The following TAFA5 variants were observed in gnomAD, a reference collection of about 807,000 sequenced individuals.
The protein encoded by TAFA5 is TAFA chemokine like family member 5, also known as chemokine-like protein TAFA-5.
A neutral mutation model predicts 15.3 loss-of-function variants in TAFA5; 6 were observed. That is an observed-to-expected ratio of 0.39 (90% CI 0.21 to 0.77). TAFA5 has a LOEUF of 0.77. Ranked by LOEUF, TAFA5 falls within the 30% of genes least tolerant of loss-of-function variation. The pLI is 0.41. For synonymous variants in TAFA5, 103 were observed against 80.7 expected (o/e 1.28, Z -1.48); for missense variants, 161 against 193.1 (o/e 0.83, Z 0.98).
rs921225966 is a variant in TAFA5, at chr22:48,576,206, C to T, written c.113-70391C>T. On this transcript the variant is annotated intron_variant, in intron 1 of 3. Transcript: ENST00000402357. ...GATGGTGGCCGAGTGGTCGGAGCGG[C>T]GGCCGCCGCGGCCCGAGACTTTCTG... is the stretch of plus-strand genomic sequence containing the variant. 860 of 281,988 alleles carry T rather than the reference C, an allele frequency of 3.0e-3. 7 individuals carry two copies. Among genetic ancestry groups the T allele is most frequent in the African/African-American group, 0.019 (814 of 43,592 alleles). 17.5% of individuals were successfully genotyped at this position (281,988 alleles called of 1,614,324 possible).
chr22:48,679,330 G>T (rs1395315144), intron 2 of TAFA5, among the ~76,000 whole-genome samples: 11 of 20,086 alleles, frequency 5.5e-4, no homozygotes, highest in Non-Finnish European at 4.9e-4. Context: ...CCCTCTCCCG[G>T]CTCCCCGTCC....
chr22:48,628,179 G>A (rs560875071), intron 1 of TAFA5, among the ~76,000 whole-genome samples: 24 of 152,330 alleles, frequency 1.6e-4, no homozygotes, highest in Non-Finnish European at 2.9e-4. Context: ...CAGGAGGGCT[G>A]TTTCAGGGCA....
intron 1 of TAFA5, among the ~76,000 whole-genome samples, chr22:48,607,829 T>C (rs529696616): frequency 9.2e-5 from 14 of 152,146 alleles, no homozygotes; most frequent in Non-Finnish European, 1.0e-4. Context: ...AACTCAAAAC[T>C]AAAACTTTCC....
intron 1 of TAFA5, among the ~76,000 whole-genome samples, chr22:48,567,447 A>G (rs920102735): frequency 1.3e-5 from 2 of 152,206 alleles, no homozygotes; most frequent in Non-Finnish European, 2.9e-5. Flanking sequence ...AGTGTGAGTT[A>G]ATGTGTGCAG....
chr22:48,589,238 C>T (rs561971420), intron 1 of TAFA5, among the ~76,000 whole-genome samples: 12 of 152,118 alleles, frequency 7.9e-5, no homozygotes, highest in East Asian at 1.9e-4. Context: ...TGCTTGCTGG[C>T]GGAAGGTGGC....
At chr22:48,576,379 G>A in intron 1 of TAFA5, 1 of 1,221,436 alleles carries the variant, frequency 8.2e-7, no homozygotes, top group Non-Finnish European at 1.0e-6. Flanking sequence ...GATGGAGGGC[G>A]CGAGCGGGCG....
rs146794509 is a variant in TAFA5, at chr22:48,648,151, G to A, written c.262+1405G>A. Among the ~76,000 whole-genome samples the A allele has an allele frequency of 1.1e-3, 174 of 152,300 alleles. No homozygotes were observed. In the Middle Eastern group the frequency reaches 0.014, roughly 12 times the overall value. Reference sequence around the variant, plus strand: ...CATGGTTGCGAGCATCTCAGGCCTGGCGCAGTGCTCACTGGCCTTCTGGGG... The same window carrying A: ...CATGGTTGCGAGCATCTCAGGCCTGACGCAGTGCTCACTGGCCTTCTGGGG... On this transcript the variant is annotated intron_variant, in intron 2 of 3. Transcript: ENST00000402357.
intron 1 of TAFA5, among the ~76,000 whole-genome samples, chr22:48,585,751 G>A (rs372499450): frequency 3.3e-4 from 50 of 149,768 alleles, no homozygotes; most frequent in African/African-American, 1.2e-3. Flanking sequence ...CACCACATAC[G>A]CATACCAAAT....
At chr22:48,640,630 C>T (rs1001751221) in intron 1 of TAFA5, among the ~76,000 whole-genome samples, 2 of 152,170 alleles carry the variant, frequency 1.3e-5, no homozygotes, top group Non-Finnish European at 1.5e-5. Flanking sequence ...GCGGGGGCTC[C>T]TAAGTGTGCA....
At chr22:48,720,208 G>A (rs1434638993) in intron 3 of TAFA5, among the ~76,000 whole-genome samples, 1 of 152,072 alleles carries the variant, frequency 6.6e-6, no homozygotes, top group Non-Finnish European at 1.5e-5. Flanking sequence ...GTTACGTTAC[G>A]TTGGGTCAGG....
chr22:48,744,581 G>A (rs1280285292), intron 3 of TAFA5, among the ~76,000 whole-genome samples: 11 of 152,060 alleles, frequency 7.2e-5, no homozygotes, highest in South Asian at 2.1e-4. Context: ...CAGGGCACTC[G>A]GCAAAGTCGC....
rs537751904 is a variant in TAFA5 at position 48,670,475 on chromosome 22, C to T, written c.262+23729C>T. Among the ~76,000 whole-genome samples, 14 of 152,340 alleles carry T rather than the reference C, an allele frequency of 9.2e-5. No homozygotes were observed. The South Asian group carries it at 2.5e-3, about 27-fold the overall frequency. On this transcript the variant is annotated intron_variant, in intron 2 of 3. Coordinates refer to ENST00000402357, the MANE Select transcript of TAFA5 (RefSeq NM_001082967.3). ...AGCCTTTTAGAGGCTAAGCCCATGG[C>T]GGGCTGTCAGCTCAGACTCAGGAGA...
intron 1 of TAFA5, among the ~76,000 whole-genome samples, chr22:48,514,273 T>C (rs907577019): frequency 6.6e-6 from 1 of 152,226 alleles, no homozygotes; most frequent in Non-Finnish European, 1.5e-5. Context: ...GTGGTAGGCA[T>C]TGGAAAATTA....
In TAFA5 at chr22:48,646,760, G is replaced by A; in HGVS notation, c.262+14G>A. 2 of 1,560,270 alleles carry A rather than the reference G, an allele frequency of 1.3e-6. No individual in the cohort carries two copies. Among genetic ancestry groups the A allele is most frequent in the East Asian group, 2.3e-5 (1 of 42,718 alleles). ...CCTGTGTGGACGGTAAGCACCCGTG[G>A]CCCCAGGACCCCTCCGGGTGCTGAG... On this transcript the variant is annotated intron_variant, in intron 2 of 3. Coordinates refer to ENST00000402357, the MANE Select transcript of TAFA5 (RefSeq NM_001082967.3).
intron 1 of TAFA5, among the ~76,000 whole-genome samples, chr22:48,502,358 G>A (rs1205343079): frequency 1.3e-5 from 2 of 152,066 alleles, no homozygotes; most frequent in Non-Finnish European, 2.9e-5. Context: ...GAGGCACATT[G>A]TTCTAAAGCA....
At chr22:48,634,696 G>T (rs540592890) in intron 1 of TAFA5, among the ~76,000 whole-genome samples, 49 of 150,912 alleles carry the variant, frequency 3.2e-4, no homozygotes, top group South Asian at 6.3e-4. Flanking sequence ...CACTCAGTCA[G>T]TCATTCATTC....
intron 2 of TAFA5, among the ~76,000 whole-genome samples, chr22:48,669,323 C>T (rs1927727176): frequency 6.6e-6 from 1 of 152,268 alleles, no homozygotes; most frequent in African/African-American, 2.4e-5. Flanking sequence ...AGCCCATGAG[C>T]TTCGCCTGCA....
chr22:48,655,316 T>G (rs1927196756), intron 2 of TAFA5, among the ~76,000 whole-genome samples: 1 of 152,238 alleles, frequency 6.6e-6, no homozygotes, highest in African/African-American at 2.4e-5. Flanking sequence ...TGTAAGTCCT[T>G]AAGTACTTGG....
chr22:48,582,407 CACACACA>C (rs945676807), intron 1 of TAFA5, among the ~76,000 whole-genome samples: 3 of 150,252 alleles, frequency 2.0e-5, no homozygotes, highest in African/African-American at 7.4e-5. Flanking sequence ...CAAAATACAC[CACACACA>C]AAATACACCA....
Sources: gnomAD v4.1 joint callset for allele counts (sites outside exome capture counted in the v4.1 genomes callset) on GRCh38, gnomAD v4.1.1 for gene constraint, MANE v1.5 for transcripts, NCBI Gene and HGNC (gene_info 2026-07-23, HGNC 2026-07-21) for gene names.